The following TENM2 variants were observed in gnomAD, a reference collection of about 807,000 sequenced individuals.
The protein encoded by TENM2 is teneurin transmembrane protein 2, also known as teneurin-2.
Under a neutral mutation model 245.2 loss-of-function variants are expected in TENM2, and 52 were observed. The ratio of observed to expected loss-of-function variants is 0.21; its 90% CI spans 0.17 to 0.27. The LOEUF (loss-of-function observed/expected upper bound fraction) is 0.27. TENM2 is among the 10% of genes least tolerant of loss of function. TENM2 has a pLI of 1.00. For synonymous variants in TENM2, 1,363 were observed against 1,438.9 expected (o/e 0.95, Z 1.19); for missense variants, 3,046 against 3,666.8 (o/e 0.83, Z 4.37).
At chr5:167,640,149 A>C (rs1779459862) in intron 2 of TENM2, among the ~76,000 whole-genome samples, 1 of 152,196 alleles carries the variant, frequency 6.6e-6, no homozygotes. Flanking sequence ...GGCACTATTT[A>C]AAGATTTTGA....
intron 2 of TENM2, among the ~76,000 whole-genome samples, chr5:167,431,034 T>C (rs1303406759): frequency 6.6e-6 from 1 of 152,234 alleles, no homozygotes; most frequent in Non-Finnish European, 1.5e-5. Context: ...TCTCTCTTAT[T>C]TGGGGAATCC....
At chr5:168,128,683 C>T (rs1325081072) in intron 12 of TENM2, among the ~76,000 whole-genome samples, 2 of 152,268 alleles carry the variant, frequency 1.3e-5, no homozygotes, top group South Asian at 2.1e-4. Flanking sequence ...CGCCAAACTA[C>T]GGCCAGAGGG....
intron 9 of TENM2, among the ~76,000 whole-genome samples, chr5:168,102,317 C>A (rs909912581): frequency 2.0e-5 from 3 of 152,196 alleles, no homozygotes; most frequent in African/African-American, 7.2e-5. Flanking sequence ...AGGTGATCCA[C>A]CCGCCTCAGC....
At chr5:167,719,128 C>T (rs1047338840) in intron 2 of TENM2, among the ~76,000 whole-genome samples, 2 of 152,058 alleles carry the variant, frequency 1.3e-5, no homozygotes, top group Admixed American at 6.6e-5. Flanking sequence ...AAAGCAAAGA[C>T]AGGTTGGGAA....
the TENM2 span, among the ~76,000 whole-genome samples, chr5:167,101,849 T>TTATATTTATATATATATATATATA: frequency 8.6e-5 from 6 of 69,438 alleles, no homozygotes; most frequent in East Asian, 1.3e-3. Flanking sequence ...ATATATATAT[T>TTATATTTATATATATATATATATA]TATATATATA....
At chr5:167,744,591 G>A (rs769043251) in intron 2 of TENM2, among the ~76,000 whole-genome samples, 9 of 152,196 alleles carry the variant, frequency 5.9e-5, no homozygotes, top group Admixed American at 1.3e-4. Context: ...GAGAAGTCTG[G>A]ACACGTTTTT....
At chr5:167,164,060 T>C in the TENM2 span, among the ~76,000 whole-genome samples, 1 of 150,742 alleles carries the variant, frequency 6.6e-6, no homozygotes, top group Non-Finnish European at 1.5e-5. Context: ...AAGTAAACCC[T>C]TTTTTTTTCC....
chr5:167,854,161 G>A (rs769712954), intron 2 of TENM2, among the ~76,000 whole-genome samples: 9 of 152,052 alleles, frequency 5.9e-5, no homozygotes, highest in Non-Finnish European at 8.8e-5. Context: ...TAATATTTCA[G>A]CAAAGATCTC....
intron 2 of TENM2, among the ~76,000 whole-genome samples, chr5:167,761,777 C>T (rs1172200370): frequency 6.6e-6 from 1 of 152,200 alleles, no homozygotes; most frequent in Non-Finnish European, 1.5e-5. Context: ...ACTCCCCAAG[C>T]TTCTGAGCAG....
chr5:167,060,791 T>C, the TENM2 span, among the ~76,000 whole-genome samples: 2 of 152,182 alleles, frequency 1.3e-5, no homozygotes, highest in South Asian at 2.1e-4. Context: ...TGTTTTTATA[T>C]TGAGTCTTTG....
intron 5 of TENM2, among the ~76,000 whole-genome samples, chr5:168,001,931 T>G (rs1297762667): frequency 1.3e-5 from 2 of 152,240 alleles, no homozygotes; most frequent in African/African-American, 4.8e-5. Context: ...ACTTTTTATA[T>G]CATCAGCCTT....
intron 2 of TENM2, among the ~76,000 whole-genome samples, chr5:167,756,956 A>G (rs1209036272): frequency 6.6e-6 from 1 of 152,062 alleles, no homozygotes; most frequent in Admixed American, 6.5e-5. Context: ...ATAGACCCCC[A>G]TGAAATCATG....
At chr5:167,993,281 T>C in intron 5 of TENM2, 99 bp downstream of exon 7, 1 of 914,298 alleles carries the variant, frequency 1.1e-6, no homozygotes. Context: ...GTCTGTACAG[T>C]TTGCTTCTTT....
the TENM2 span, among the ~76,000 whole-genome samples, chr5:167,026,700 T>C: frequency 1.3e-5 from 2 of 152,212 alleles, no homozygotes; most frequent in Non-Finnish European, 2.9e-5. Context: ...CTTTTAGAGA[T>C]GGGGCTTGAG....
chr5:168,087,476 G>C lies in TENM2; in HGVS notation c.1516-3098G>C, dbSNP rs143125814. The C allele has an allele frequency of 9.9e-4, 151 of 152,668 alleles. 1 individual carries two copies. The Middle Eastern group carries it at 0.01, about 10-fold the overall frequency. 9.5% of individuals were successfully genotyped at this position (152,668 alleles called of 1,614,324 possible). On this transcript the variant is annotated intron_variant, in intron 7 of 28. Coordinates refer to ENST00000518659, the Ensembl canonical transcript of TENM2. ...TACAAAAAATTACCCGGGTGTGGTA[G>C]CAGGTGCCTGTAATCCCAGCTACTC...
the TENM2 span, among the ~76,000 whole-genome samples, chr5:167,150,697 A>G: frequency 6.6e-6 from 1 of 152,338 alleles, no homozygotes; most frequent in East Asian, 1.9e-4. Flanking sequence ...TACATCTTAT[A>G]TGAAGCTTAG....
At chr5:167,483,960 T>C (rs1219509602) in intron 2 of TENM2, among the ~76,000 whole-genome samples, 1 of 152,226 alleles carries the variant, frequency 6.6e-6, no homozygotes, top group Non-Finnish European at 1.5e-5. Flanking sequence ...GCTAATTATG[T>C]ATACATACTT....
At chr5:167,610,002 C>T (rs12517217) in intron 2 of TENM2, among the ~76,000 whole-genome samples, 2,554 of 152,194 alleles carry the variant, frequency 0.017, 66 homozygotes, top group East Asian at 0.079. Flanking sequence ...CAGGTTGTGA[C>T]GTACACTTTT....
chr5:167,534,267 T>C (rs886636600), intron 2 of TENM2, among the ~76,000 whole-genome samples: 1 of 152,082 alleles, frequency 6.6e-6, no homozygotes, highest in Admixed American at 6.5e-5. Context: ...AAAAATAAAA[T>C]AGGCGTTCTA....
Sources: gnomAD v4.1 joint callset for allele counts (sites outside exome capture counted in the v4.1 genomes callset) on GRCh38, gnomAD v4.1.1 for gene constraint, MANE v1.5 for transcripts, NCBI Gene and HGNC (gene_info 2026-07-23, HGNC 2026-07-21) for gene names.